Variants in PLXDC1 observed in about 807,000 individuals in gnomAD.
The protein encoded by PLXDC1 is plexin domain containing 1.
PLXDC1 carries 39 observed loss-of-function variants against 61.3 expected under a neutral mutation model. The observed-to-expected ratio is 0.64, with a 90% CI of 0.49 to 0.83. The LOEUF (loss-of-function observed/expected upper bound fraction) is 0.83. PLXDC1 is among the 40% of genes least tolerant of loss of function. PLXDC1 has a pLI of 0.00. For missense variants in PLXDC1, 596 were observed against 666.5 expected (o/e 0.89, Z 1.17); for synonymous variants, 212 against 254.5 (o/e 0.83, Z 1.59).
intron 2 of PLXDC1, 149 bp from the exon 3 acceptor site, chr17:39,109,540 G>A: frequency 2.1e-6 from 2 of 939,276 alleles, no homozygotes; most frequent in Non-Finnish European, 3.1e-6. Context: ...GCTGATTTAG[G>A]CCTAGGACCC....
chr17:39,089,127 T>TG, intron 7 of PLXDC1, among the ~76,000 whole-genome samples: 1 of 152,176 alleles, frequency 6.6e-6, no homozygotes, highest in Non-Finnish European at 1.5e-5. Context: ...ACTCAGTGTT[T>TG]GGTCCGCCCA....
chr17:39,122,089 T>G, intron 2 of PLXDC1, among the ~76,000 whole-genome samples: 1 of 85,946 alleles, frequency 1.2e-5, no homozygotes. Context: ...AGTTCAAGAC[T>G]CTGTCAAAAA....
rs1419922925 is a variant in PLXDC1, at chr17:39,128,097, G to GTATATATATATATATATATATATATATA, written c.255+11556_255+11557insTATATATATATATATATATATATATATA. Among the ~76,000 whole-genome samples, 62 of 67,496 alleles carry GTATATATATATATATATATATATATATA rather than the reference G, an allele frequency of 9.2e-4. 5 individuals are homozygous for GTATATATATATATATATATATATATATA. In the East Asian group the frequency reaches 0.011, roughly 12 times the overall value. 44.3% of individuals were successfully genotyped at this position (67,496 alleles called of 152,430 possible). On this transcript the variant is annotated intron_variant, in intron 2 of 13. Transcript: ENST00000315392. ...TCTCTCTCTCTCTCTCTCTCTATGT[G>GTATATATATATATATATATATATATATA]TATATATATATATATATGTATATAT...
chr17:39,086,802 C>T (rs889920088), intron 8 of PLXDC1, among the ~76,000 whole-genome samples: 13 of 131,826 alleles, frequency 9.9e-5, no homozygotes, highest in African/African-American at 3.8e-4. Context: ...ATAGAGATTG[C>T]AGTGAGCCGA....
At chr17:39,079,781 C>T (rs550970443) in intron 9 of PLXDC1, 297 of 344,946 alleles carry the variant, frequency 8.6e-4, no homozygotes, top group Middle Eastern at 2.1e-3. Context: ...CCCAACTTTT[C>T]GTTCTTTACT....
upstream of PLXDC1, among the ~76,000 whole-genome samples, chr17:39,152,002 GC>G (rs1471671663): frequency 2.0e-5 from 3 of 151,506 alleles, no homozygotes; most frequent in Non-Finnish European, 4.4e-5. Flanking sequence ...ACTGTTCCCC[GC>G]CCCCAGCTCC....
At chr17:39,128,147 ATG>A (rs200932794) in intron 2 of PLXDC1, among the ~76,000 whole-genome samples, 1 of 85,014 alleles carries the variant, frequency 1.2e-5, no homozygotes, top group African/African-American at 5.3e-5. Flanking sequence ...ATGTATATAT[ATG>A]TGTGTATATA....
At chr17:39,135,267 TGGAC>T (rs1911707599) in intron 2 of PLXDC1, among the ~76,000 whole-genome samples, 1 of 152,248 alleles carries the variant, frequency 6.6e-6, no homozygotes, top group Non-Finnish European at 1.5e-5. Context: ...TGCTCCTGTG[TGGAC>T]CCTCGATGTG....
chr17:39,087,492 G>T (rs920076898), intron 8 of PLXDC1, 115 bp downstream of exon 8: 2 of 742,308 alleles, frequency 2.7e-6, no homozygotes, highest in Non-Finnish European at 2.3e-6. Context: ...GAGATGGAGG[G>T]CCCCGAAAAG....
intron 13 of PLXDC1, 42 bp downstream of exon 13, chr17:39,069,814 G>A (rs370652001): frequency 7.2e-5 from 112 of 1,556,820 alleles, no homozygotes; most frequent in South Asian, 1.0e-4. Flanking sequence ...AGACGCCGAC[G>A]CAGAAGCAGA....
At position 39,065,830 on chromosome 17, in the gene PLXDC1, CTG is replaced by C; in HGVS notation, c.*2008_*2009del. 1 of 152,436 alleles carries C rather than the reference CTG, an allele frequency of 6.6e-6. No individual in the cohort carries two copies. The highest frequency in any genetic ancestry group is 2.1e-4 in the South Asian group (1 of 4,832). The allele number at this position is 152,436 out of a possible 1,614,324, so 9.4% of individuals were successfully genotyped here. On this transcript the variant is annotated 3_prime_UTR_variant, in exon 14 of 14. Transcript: ENST00000315392. ...GGCAAGGAGGTAGGTACTTCACACACTGTGCACACCCATCTCAGGCAGCCGTA... is the reference window on the plus strand; with the variant it reads ...GGCAAGGAGGTAGGTACTTCACACACTGCACACCCATCTCAGGCAGCCGTA...
At chr17:39,114,268 C>T (rs1043715069) in intron 2 of PLXDC1, among the ~76,000 whole-genome samples, 1 of 152,188 alleles carries the variant, frequency 6.6e-6, no homozygotes, top group Non-Finnish European at 1.5e-5. Flanking sequence ...GCACCTCCTC[C>T]TCTCCCCTGC....
rs2045363377 is a variant in PLXDC1, at chr17:39,150,069, G to A, written c.76+1293C>T. 2.6e-5 allele frequency among the ~76,000 whole-genome samples: 4 copies of A among 152,178 alleles called. No homozygotes were observed. The South Asian group carries it at 8.3e-4, about 32-fold the overall frequency. ...CTTTATAAATGCAAAAATAGGTCCA[G>A]AGAGAGAAAGTAACTTGTCTAAAGT... On this transcript the variant is annotated intron_variant, in intron 1 of 13. Transcript: ENST00000315392.
intron 4 of PLXDC1, chr17:39,108,622 T>C (rs773977199): frequency 5.1e-5 from 27 of 525,518 alleles, no homozygotes; most frequent in Non-Finnish European, 7.9e-5. Context: ...GGAGTCTCCC[T>C]CTCCCTCTTA....
In PLXDC1 at chr17:39,138,189, G is replaced by A. The variant is rs147268606; in HGVS notation, c.255+1465C>T. Among the ~76,000 whole-genome samples the A allele has an allele frequency of 6.2e-3, 940 of 152,232 alleles. 5 individuals carry two copies. The highest frequency in any genetic ancestry group is 0.022 in the African/African-American group (896 of 41,520). On this transcript the variant is annotated intron_variant, in intron 2 of 13. Coordinates refer to ENST00000315392, the MANE Select transcript of PLXDC1 (RefSeq NM_020405.5). ...GAGCTCAAGCGATCCACCCGTCTGG[G>A]CCTCCCAAAGTGCTAGGATTACAGG...
chr17:39,069,966 C>T lies in PLXDC1; in HGVS notation c.1273G>A (p.Gly425Ser). ...GCCAGCACGATGCCCACGATGGTGC[C>T]CAGGTGCACAGGAGTGCCCTTTGTC... ...PKTKGTPVHL[G>S]TIVGIVLAVL... Residue 425 changes from glycine to serine, a missense_variant, in exon 13 of 14, where the codon GGC (glycine) becomes AGC (serine). Physicochemically the swap from Gly to Ser is moderately conservative, Grantham distance 56. Transcript: ENST00000315392. 6.2e-7 allele frequency: 1 copy of T among 1,613,586 alleles called. No homozygotes were observed. Among genetic ancestry groups the T allele is most frequent in the Non-Finnish European group, 8.5e-7 (1 of 1,179,570 alleles).
intron 2 of PLXDC1, among the ~76,000 whole-genome samples, chr17:39,114,689 G>A (rs1035775081): frequency 2.0e-5 from 3 of 152,180 alleles, no homozygotes; most frequent in Non-Finnish European, 4.4e-5. Flanking sequence ...CTGAAGTCCA[G>A]GATAGGATCA....
chr17:39,108,902 A>T lies in PLXDC1; in HGVS notation c.469+2T>A, dbSNP rs757874245. The T allele has an allele frequency of 9.3e-6, 15 of 1,610,972 alleles. No homozygotes were observed. The highest frequency in any genetic ancestry group is 1.3e-5 in the Non-Finnish European group (15 of 1,177,784). ...CCCCGGGGCCCCACGACGTGGCCTT[A>T]CCTCCAGTTGCTATGGTGATCTGCC... On this transcript the variant is annotated splice_donor_variant, in intron 4 of 13. Coordinates refer to ENST00000315392, the MANE Select transcript of PLXDC1 (RefSeq NM_020405.5). LOFTEE classifies it high-confidence loss of function.
At chr17:39,101,760 A>C (rs571313362) in intron 7 of PLXDC1, among the ~76,000 whole-genome samples, 1 of 152,286 alleles carries the variant, frequency 6.6e-6, no homozygotes, top group South Asian at 2.1e-4. Context: ...ACTTGACCAC[A>C]AAACTCCTTT....
Sources: gnomAD v4.1 joint callset for allele counts (sites outside exome capture counted in the v4.1 genomes callset) on GRCh38, gnomAD v4.1.1 for gene constraint, MANE v1.5 for transcripts, NCBI Gene and HGNC (gene_info 2026-07-23, HGNC 2026-07-21) for gene names.